TMEM117: variants seen among roughly 807,000 people sequenced by gnomAD.
TMEM117 encodes the protein transmembrane protein 117.
A neutral mutation model predicts 52.4 loss-of-function variants in TMEM117; 27 were observed. That is an observed-to-expected ratio of 0.51 (90% CI 0.38 to 0.71). The LOEUF is 0.71. Among genes scored for constraint, TMEM117 ranks in the 30% least tolerant of loss-of-function variants. TMEM117 has a pLI of 0.00. For synonymous variants in TMEM117, 215 were observed against 206.3 expected, an observed-to-expected ratio of 1.04 and a Z score of -0.36; for missense variants, 556 against 630.5, an observed-to-expected ratio of 0.88 and a Z score of 1.26.
intron 2 of TMEM117, among the ~76,000 whole-genome samples, chr12:43,879,572 C>T (rs1592328428): frequency 6.6e-6 from 1 of 152,280 alleles, no homozygotes; most frequent in Middle Eastern, 3.4e-3. Context: ...CCTCCTAATT[C>T]TGGGTCTAAT....
chr12:44,341,701 T>A (rs1415410282), intron 6 of TMEM117, among the ~76,000 whole-genome samples: 1 of 152,090 alleles, frequency 6.6e-6, no homozygotes, highest in Non-Finnish European at 1.5e-5. Flanking sequence ...GAATTTGCAG[T>A]CACATCCGAT....
At chr12:44,218,221 CA>C (rs137994991) in intron 5 of TMEM117, among the ~76,000 whole-genome samples, 2 of 139,346 alleles carry the variant, frequency 1.4e-5, no homozygotes, top group East Asian at 2.0e-4. Context: ...AAGGCTCCGT[CA>C]AAAAAAACAA....
intron 3 of TMEM117, among the ~76,000 whole-genome samples, chr12:43,985,899 ATGTT>A (rs1945840103): frequency 6.6e-6 from 1 of 152,246 alleles, no homozygotes; most frequent in African/African-American, 2.4e-5. Context: ...TGAAAGTTCT[ATGTT>A]TGTTGGTTCA....
intron 3 of TMEM117, among the ~76,000 whole-genome samples, chr12:44,088,985 G>A (rs1478178110): frequency 1.3e-5 from 2 of 152,122 alleles, no homozygotes; most frequent in South Asian, 2.1e-4. Context: ...TAACCTTTGG[G>A]CAAATCAAAA....
chr12:43,823,805 G>A, the TMEM117 span, among the ~76,000 whole-genome samples: 1 of 151,954 alleles, frequency 6.6e-6, no homozygotes, highest in African/African-American at 2.4e-5. Context: ...CACTGGCCAT[G>A]AGTGTAATTT....
In TMEM117 at chr12:43,873,719, A is replaced by T. The variant is rs202009693; in HGVS notation, c.277+28791A>T. 8.5e-3 allele frequency among the ~76,000 whole-genome samples: 1,288 copies of T among 150,658 alleles called. 32 individuals are homozygous for T. Among genetic ancestry groups the T allele is most frequent in the East Asian group, 0.067 (341 of 5,112 alleles). On this transcript the variant is annotated intron_variant, in intron 2 of 7. Transcript: ENST00000266534. ...CAGTTAGTTTTAATTTTTTCGTTTT[A>T]TTTTATTTTATTTTTTCCTTTTATA...
rs550613646 is a variant in TMEM117, at chr12:44,347,052, A to C, written c.769-29543A>C. ...TTCATTTGTAAATCTTCTCCCCTGT[A>C]ATTTCTATTCCAATCTGCCTTTACA... On this transcript the variant is annotated intron_variant, in intron 6 of 7. Coordinates refer to ENST00000266534, the MANE Select transcript of TMEM117 (RefSeq NM_032256.3). Among the ~76,000 whole-genome samples the C allele has an allele frequency of 3.9e-5, 6 of 151,944 alleles. No individual in the cohort carries two copies. In the South Asian group the frequency reaches 1.0e-3, roughly 26 times the overall value.
At chr12:44,017,326 C>CTTTTTT (rs79007657) in intron 3 of TMEM117, among the ~76,000 whole-genome samples, 1 of 97,128 alleles carries the variant, frequency 1.0e-5, no homozygotes, top group East Asian at 2.8e-4. Context: ...TCTTTCTTTC[C>CTTTTTT]TTTTTTTTTT....
chr12:44,288,441 C>A (rs1950662711), intron 5 of TMEM117, among the ~76,000 whole-genome samples: 1 of 152,028 alleles, frequency 6.6e-6, no homozygotes, highest in Non-Finnish European at 1.5e-5. Flanking sequence ...AGATCTGTAG[C>A]AATACCCTTT....
intron 2 of TMEM117, among the ~76,000 whole-genome samples, chr12:43,937,512 A>C (rs1345757536): frequency 2.0e-5 from 3 of 152,194 alleles, no homozygotes; most frequent in African/African-American, 7.2e-5. Context: ...TAGGGTATAC[A>C]GAAATGTATG....
At chr12:44,188,836 C>G (rs148286710) in intron 4 of TMEM117, among the ~76,000 whole-genome samples, 2 of 151,852 alleles carry the variant, frequency 1.3e-5, no homozygotes, top group East Asian at 3.9e-4. Context: ...TAAGTATTTT[C>G]TTCCCACTAG....
chr12:44,063,758 C>A (rs867667588), intron 3 of TMEM117, among the ~76,000 whole-genome samples: 2 of 151,810 alleles, frequency 1.3e-5, no homozygotes, highest in African/African-American at 2.4e-5. Flanking sequence ...GTTCTTATTT[C>A]ATTTCATACT....
intron 4 of TMEM117, among the ~76,000 whole-genome samples, chr12:44,173,365 C>G (rs903138372): frequency 2.0e-5 from 3 of 152,174 alleles, no homozygotes; most frequent in Admixed American, 6.5e-5. Flanking sequence ...ACGTGAGCCA[C>G]CATGCCTGGC....
chr12:43,852,074 T>C (rs557101437), intron 2 of TMEM117, among the ~76,000 whole-genome samples: 1 of 149,720 alleles, frequency 6.7e-6, no homozygotes, highest in Non-Finnish European at 1.5e-5. Context: ...CGAGATGGGC[T>C]GATCACGAGG....
At chr12:44,152,816 GAA>G (rs1948771226) in intron 4 of TMEM117, among the ~76,000 whole-genome samples, 1 of 140,298 alleles carries the variant, frequency 7.1e-6, no homozygotes, top group Non-Finnish European at 1.5e-5. Flanking sequence ...ATGTTTATAT[GAA>G]TATAATGTAT....
At chr12:44,147,653 G>T (rs531055263) in intron 4 of TMEM117, among the ~76,000 whole-genome samples, 11 of 152,054 alleles carry the variant, frequency 7.2e-5, no homozygotes, top group African/African-American at 2.6e-4. Flanking sequence ...AGACAACTCT[G>T]GGCCGGGCGC....
intron 2 of TMEM117, among the ~76,000 whole-genome samples, chr12:43,917,760 G>A (rs1221107804): frequency 6.6e-6 from 1 of 152,016 alleles, no homozygotes; most frequent in African/African-American, 2.4e-5. Flanking sequence ...TTTTTATCAA[G>A]CAAAAGGCAA....
intron 3 of TMEM117, among the ~76,000 whole-genome samples, chr12:44,129,445 A>T (rs574029776): frequency 1.3e-5 from 2 of 152,044 alleles, no homozygotes; most frequent in South Asian, 2.1e-4. Context: ...GCAGAGCTTT[A>T]CTAGAGTCAC....
At chr12:43,848,498 G>A (rs1361858909) in intron 2 of TMEM117, among the ~76,000 whole-genome samples, 5 of 152,118 alleles carry the variant, frequency 3.3e-5, no homozygotes, top group East Asian at 1.9e-4. Context: ...TTGCATGTCC[G>A]TTTATAGGCT....
Sources: allele counts gnomAD v4.1 joint callset (sites outside exome capture counted in the v4.1 genomes callset), GRCh38; gene constraint gnomAD v4.1.1; transcripts MANE v1.5; gene names NCBI Gene and HGNC (gene_info 2026-07-23, HGNC 2026-07-21).